PTPRA: variants seen among roughly 807,000 people sequenced by gnomAD.
The protein encoded by PTPRA is protein tyrosine phosphatase receptor type A, also known as receptor-type tyrosine-protein phosphatase alpha.
In PTPRA, 25 loss-of-function variants were observed where a neutral mutation model predicts 104.8. The ratio of observed to expected loss-of-function variants is 0.24; its 90% CI spans 0.17 to 0.33. PTPRA has a LOEUF of 0.33. PTPRA is among the 10% of genes least tolerant of loss of function. PTPRA has a pLI of 1.00. For synonymous variants in PTPRA, 323 were observed against 368.9 expected, an observed-to-expected ratio of 0.88 and a Z score of 1.43; for missense variants, 765 against 1,015.3, an observed-to-expected ratio of 0.75 and a Z score of 3.35.
upstream of PTPRA, among the ~76,000 whole-genome samples, chr20:2,870,739 C>T (rs1333175401): frequency 6.6e-6 from 1 of 152,194 alleles, no homozygotes; most frequent in African/African-American, 2.4e-5. Flanking sequence ...TCTCCTGATC[C>T]TCTCCTTTGC....
chr20:2,990,636 T>TTCA (rs890518933), intron 9 of PTPRA, among the ~76,000 whole-genome samples: 17 of 152,026 alleles, frequency 1.1e-4, no homozygotes, highest in African/African-American at 4.1e-4. Context: ...GGAGATGAGG[T>TTCA]GGGAGTATCG....
chr20:3,019,275 G>A (rs1336429562), intron 13 of PTPRA, among the ~76,000 whole-genome samples: 2 of 151,266 alleles, frequency 1.3e-5, no homozygotes, highest in Non-Finnish European at 3.0e-5. Flanking sequence ...CTCCCTCCCG[G>A]ACGAGGTGGC....
Position 3,033,438 on chromosome 20 carries a change from G to A in PTPRA, c.1921-2147G>A, listed in dbSNP as rs371046283. ...ACTGCTGTCATCTGAACAAGCCCTC[G>A]TCTCTCACTGCTTGCCCGTGGGACT... On this transcript the variant is annotated intron_variant, in intron 20 of 23. Transcript: ENST00000399903. Among the ~76,000 whole-genome samples, 7 of 151,934 alleles carry A rather than the reference G, an allele frequency of 4.6e-5. No homozygotes were observed. The South Asian group carries it at 6.2e-4, about 13-fold the overall frequency.
intron 3 of PTPRA, among the ~76,000 whole-genome samples, chr20:2,952,683 T>C (rs1161298700): frequency 1.3e-5 from 2 of 152,190 alleles, no homozygotes; most frequent in Non-Finnish European, 2.9e-5. Flanking sequence ...TCATCCTCCC[T>C]GACTGAAATT....
At chr20:2,964,721 G>A (rs1408229846) in intron 4 of PTPRA, 140 bp from the exon 5 acceptor site, 3 of 712,764 alleles carry the variant, frequency 4.2e-6, no homozygotes, top group Non-Finnish European at 6.9e-6. Flanking sequence ...AAACGTAGGG[G>A]GTGGGTGGTG....
chr20:3,028,368 A>G (rs2065253038), intron 20 of PTPRA, among the ~76,000 whole-genome samples: 1 of 152,254 alleles, frequency 6.6e-6, no homozygotes, highest in African/African-American at 2.4e-5. Flanking sequence ...TAATAAGGAA[A>G]TCTTTTAAAG....
Position 3,037,413 on chromosome 20 carries a change from C to T in PTPRA, c.2334+124C>T, listed in dbSNP as rs2065851924. 2.1e-6 allele frequency: 3 copies of T among 1,437,664 alleles called. No homozygotes were observed. Among genetic ancestry groups the T allele is most frequent in the Non-Finnish European group, 2.8e-6 (3 of 1,070,274 alleles). 89.1% of individuals were successfully genotyped at this position (1,437,664 alleles called of 1,614,324 possible). ...TGTCTAAACACAGACCTGCCCTTGC[C>T]CTCCCAAGGTGCCCCAAATACACAG... On this transcript the variant is annotated intron_variant, in intron 23 of 23. Transcript: ENST00000399903. This position sits in a 1 kb window ranked among gnomAD's most constrained non-coding sequence, Gnocchi z 4.3.
chr20:2,978,388 A>C (rs2062531274), intron 6 of PTPRA, among the ~76,000 whole-genome samples: 1 of 152,174 alleles, frequency 6.6e-6, no homozygotes. Flanking sequence ...ACAACATTAC[A>C]ACCTTGCCTT....
chr20:2,979,898 T>G (rs1385717916), intron 6 of PTPRA, among the ~76,000 whole-genome samples: 2 of 151,734 alleles, frequency 1.3e-5, no homozygotes, highest in Non-Finnish European at 2.9e-5. Context: ...GGTGTTTTTT[T>G]GTTTGTTTTC....
chr20:2,947,769 C>T (rs990624397), intron 2 of PTPRA, among the ~76,000 whole-genome samples: 8 of 152,080 alleles, frequency 5.3e-5, no homozygotes, highest in East Asian at 1.9e-4. Context: ...GTGTCATAGC[C>T]GCAGAAGTTA....
intron 1 of PTPRA, among the ~76,000 whole-genome samples, chr20:2,922,004 G>T (rs764585996): frequency 7.9e-5 from 12 of 152,136 alleles, no homozygotes; most frequent in Non-Finnish European, 1.2e-4. Flanking sequence ...CAGCATCCTA[G>T]GCCTCTATCC....
chr20:2,910,000 C>CA (rs1568649308), intron 1 of PTPRA, among the ~76,000 whole-genome samples: 4 of 73,130 alleles, frequency 5.5e-5, no homozygotes, highest in Non-Finnish European at 8.7e-5. Flanking sequence ...TATATATAAT[C>CA]TATCATATAT....
At position 3,035,599 on chromosome 20, in the gene PTPRA, G is replaced by A. The variant is rs1426649773; in HGVS notation, c.1935G>A (p.Gln645=). ...LEERGQEKCA[Q]YWPSDGLVSY... Reference sequence around the variant, plus strand: ...TGTCTCTCCAGGAGAAGTGTGCCCAGTACTGGCCATCTGATGGACTGGTGT... The same window carrying A: ...TGTCTCTCCAGGAGAAGTGTGCCCAATACTGGCCATCTGATGGACTGGTGT... Residue 645 remains glutamine, a synonymous_variant, in exon 21 of 24, where the codon CAG becomes CAA. Transcript: ENST00000399903. The surrounding 1 kb of genome is among the most constrained non-coding windows in gnomAD (Gnocchi z 5.8). The A allele has an allele frequency of 6.2e-7, 1 of 1,612,452 alleles. No individual in the cohort carries two copies. The highest frequency in any genetic ancestry group is 1.1e-5 in the South Asian group (1 of 91,026).
At chr20:2,955,523 G>A (rs1203211096) in intron 3 of PTPRA, 1 of 601,388 alleles carries the variant, frequency 1.7e-6, no homozygotes, top group Non-Finnish European at 2.1e-6. Context: ...TGTTGGGGAA[G>A]GTCTCTTCTC....
chr20:2,886,827 G>T (rs979640886), intron 1 of PTPRA, among the ~76,000 whole-genome samples: 5 of 149,484 alleles, frequency 3.3e-5, no homozygotes, highest in African/African-American at 9.9e-5. Context: ...TTGTACTCCA[G>T]CCTGGGCAAC....
At chr20:2,875,085 C>T (rs1387715019) in intron 1 of PTPRA, among the ~76,000 whole-genome samples, 1 of 152,200 alleles carries the variant, frequency 6.6e-6, no homozygotes. Flanking sequence ...TCCAAGTTGT[C>T]TTGTAGATTC....
rs2063811725 is a variant in PTPRA, at chr20:3,005,298, C to G, written c.829+152C>G. 36 of 759,514 alleles carry G rather than the reference C, an allele frequency of 4.7e-5. No homozygotes were observed. The South Asian group carries it at 5.7e-4, about 12-fold the overall frequency. 47.0% of individuals were successfully genotyped at this position (759,514 alleles called of 1,614,324 possible). ...ACTCAGTGGCTCATACCTGTAATCCCAGAACTTTGGAAGGCCAAGGTGGGA... is the reference window on the plus strand; with the variant it reads ...ACTCAGTGGCTCATACCTGTAATCCGAGAACTTTGGAAGGCCAAGGTGGGA... On this transcript the variant is annotated intron_variant, in intron 10 of 23. Coordinates refer to ENST00000399903, the MANE Select transcript of PTPRA (RefSeq NM_001385305.1).
intron 17 of PTPRA, 144 bp downstream of exon 17, chr20:3,024,765 C>G: frequency 2.0e-6 from 2 of 998,630 alleles, no homozygotes; most frequent in Non-Finnish European, 2.9e-6. Flanking sequence ...TCCTCGTACT[C>G]TGGTAACTCT....
rs2061866353 is a variant in PTPRA, at chr20:2,964,299, G to T, written c.22G>T (p.Val8Phe). ...AAGCATGGATTCCTGGTTCATTCTT[G>T]TTCTGCTCGGCAGTGGTCTGATATG... MDSWFIL[V>F]LLGSGLICVS... Residue 8 changes from valine (V) to phenylalanine (F), a missense_variant, in exon 4 of 24, where the codon GTT (valine) becomes TTT (phenylalanine). Physicochemically the swap from Val to Phe is conservative, Grantham distance 50. Coordinates refer to ENST00000399903, the MANE Select transcript of PTPRA (RefSeq NM_001385305.1). 1.2e-6 allele frequency: 2 copies of T among 1,610,722 alleles called. No individual in the cohort carries two copies. The highest frequency in any genetic ancestry group is 1.7e-6 in the Non-Finnish European group (2 of 1,178,900).
Sources: allele counts gnomAD v4.1 joint callset (sites outside exome capture counted in the v4.1 genomes callset), GRCh38; gene constraint gnomAD v4.1.1; non-coding constraint Gnocchi (gnomAD v3.1); transcripts MANE v1.5; gene names NCBI Gene and HGNC (gene_info 2026-07-23, HGNC 2026-07-21).